The following TESC variants were observed in gnomAD, a reference collection of about 807,000 sequenced individuals.
TESC encodes the protein calcineurin B homologous protein 3.
Under a neutral mutation model 31.0 loss-of-function variants are expected in TESC, and 19 were observed. The observed-to-expected ratio is 0.61, with a 90% CI of 0.43 to 0.90. TESC has a LOEUF of 0.90. TESC is among the 40% of genes least tolerant of loss of function. The probability of loss-of-function intolerance (pLI) is 0.00; values close to 1 mark genes in which losing one functional copy is unlikely to be tolerated. For synonymous variants in TESC, 109 were observed against 114.8 expected (o/e 0.95, Z 0.32); for missense variants, 248 against 303.8 (o/e 0.82, Z 1.36).
At chr12:117,087,198 G>C (rs1354156887) in intron 1 of TESC, among the ~76,000 whole-genome samples, 1 of 152,204 alleles carries the variant, frequency 6.6e-6, no homozygotes, top group Admixed American at 6.5e-5. Context: ...ATTAACCAAA[G>C]ATGCATTTGG....
chr12:117,058,745 TA>T (rs3070303), intron 2 of TESC, among the ~76,000 whole-genome samples: 5,128 of 124,074 alleles, frequency 0.041, 216 homozygotes, highest in South Asian at 0.13. Context: ...TCCAATCTCT[TA>T]AAAAAAAAAA....
intron 1 of TESC, among the ~76,000 whole-genome samples, chr12:117,075,955 A>ATATATGTATG (rs1955068497): frequency 3.4e-5 from 4 of 119,306 alleles, no homozygotes; most frequent in African/African-American, 1.6e-4. Flanking sequence ...ATATACATAT[A>ATATATGTATG]TATATATATA....
Position 117,048,724 on chromosome 12 carries a change from G to A in TESC, c.349+295C>T, listed in dbSNP as rs113875836. On this transcript the variant is annotated intron_variant, in intron 4 of 7. Coordinates refer to ENST00000335209, the MANE Select transcript of TESC (RefSeq NM_017899.4). Reference sequence around the variant, plus strand: ...TTCAAGGTCACATGGCTGGTGAGACGGGCCACACTGGAACCCAGGTCTTTG... The same window carrying A: ...TTCAAGGTCACATGGCTGGTGAGACAGGCCACACTGGAACCCAGGTCTTTG... 1,189 of 556,216 alleles carry A rather than the reference G, an allele frequency of 2.1e-3. 3 individuals carry two copies. The highest frequency in any genetic ancestry group is 3.2e-3 in the Non-Finnish European group (940 of 292,250). The allele number at this position is 556,216 out of a possible 1,614,324, so 34.5% of individuals were successfully genotyped here. A position where few individuals can be genotyped will look rare whatever the true frequency, so the allele number is the denominator to read the frequency against.
At chr12:117,088,547 G>A (rs998609412) in intron 1 of TESC, among the ~76,000 whole-genome samples, 3 of 152,140 alleles carry the variant, frequency 2.0e-5, no homozygotes, top group Admixed American at 6.5e-5. Flanking sequence ...TGGGCGTGGC[G>A]GCGCATGCCT....
At chr12:117,078,531 G>T (rs1199838709) in intron 1 of TESC, among the ~76,000 whole-genome samples, 1 of 151,416 alleles carries the variant, frequency 6.6e-6, no homozygotes, top group Non-Finnish European at 1.5e-5. Context: ...TTTGTTTAAA[G>T]TATACCTTTA....
chr12:117,049,536 C>T (rs550454809), intron 3 of TESC, among the ~76,000 whole-genome samples: 38 of 152,342 alleles, frequency 2.5e-4, no homozygotes, highest in Admixed American at 5.9e-4. Flanking sequence ...TTTCCTTTAG[C>T]TCAGGGGTTG....
intron 1 of TESC, among the ~76,000 whole-genome samples, chr12:117,094,032 T>C (rs1546247): frequency 6.6e-6 from 1 of 151,458 alleles, no homozygotes; most frequent in African/African-American, 2.4e-5. Flanking sequence ...CTCCGTCAGG[T>C]CCCACTTTGT....
At chr12:117,075,909 ATATATGTGTG>A (rs1322682848) in intron 1 of TESC, among the ~76,000 whole-genome samples, 48 of 61,218 alleles carry the variant, frequency 7.8e-4, no homozygotes, top group African/African-American at 4.4e-3. Flanking sequence ...ATATATATAT[ATATATGTGTG>A]TGTGTATATA....
intron 1 of TESC, among the ~76,000 whole-genome samples, chr12:117,095,210 G>A (rs1379013123): frequency 1.3e-5 from 2 of 151,442 alleles, no homozygotes; most frequent in African/African-American, 4.8e-5. Flanking sequence ...GAGTAGCTGG[G>A]ATTACAGGCG....
At chr12:117,083,004 CA>C (rs1470030507) in intron 1 of TESC, among the ~76,000 whole-genome samples, 6 of 151,530 alleles carry the variant, frequency 4.0e-5, no homozygotes, top group African/African-American at 1.5e-4. Context: ...TTAAATGGTA[CA>C]ACCACCGTGG....
rs61375772 is a variant in TESC, at chr12:117,082,060, C to CAAAAA, written c.59-6725_59-6721dup. 1.2e-3 allele frequency among the ~76,000 whole-genome samples: 143 copies of CAAAAA among 119,106 alleles called. 2 individuals carry two copies. The highest frequency in any genetic ancestry group is 4.1e-3 in the African/African-American group (133 of 32,728). 78.1% of individuals were successfully genotyped at this position (119,106 alleles called of 152,430 possible). On this transcript the variant is annotated intron_variant, in intron 1 of 7. Transcript: ENST00000335209. ...GCAAGACAGGAAGATCCCATCTATACAAAAAAAAAAAAAAATCAAAAAATT... is the reference window on the plus strand; with the variant it reads ...GCAAGACAGGAAGATCCCATCTATACAAAAAAAAAAAAAAAAAAAATCAAAAAATT...
intron 3 of TESC, among the ~76,000 whole-genome samples, chr12:117,053,141 C>T (rs1565961762): frequency 6.6e-6 from 1 of 152,188 alleles, no homozygotes; most frequent in Non-Finnish European, 1.5e-5. Context: ...ACCCGACATT[C>T]CCCAATGACT....
chr12:117,067,206 G>A (rs1954899223), intron 2 of TESC, among the ~76,000 whole-genome samples: 1 of 152,078 alleles, frequency 6.6e-6, no homozygotes, highest in South Asian at 2.1e-4. Flanking sequence ...AAATTCTGAT[G>A]GTGAAACAGC....
At chr12:117,095,777 G>A (rs576206970) in intron 1 of TESC, among the ~76,000 whole-genome samples, 1 of 152,278 alleles carries the variant, frequency 6.6e-6, no homozygotes, top group South Asian at 2.1e-4. Flanking sequence ...CTACTGGGAA[G>A]GCTGAGGTGG....
intron 1 of TESC, among the ~76,000 whole-genome samples, chr12:117,075,933 A>ATATATG (rs1955065185): frequency 9.0e-6 from 1 of 110,788 alleles, no homozygotes; most frequent in Non-Finnish European, 1.7e-5. Context: ...GTATATATAT[A>ATATATG]TATATATGTA....
intron 1 of TESC, among the ~76,000 whole-genome samples, chr12:117,088,771 T>C (rs1307210533): frequency 6.6e-6 from 1 of 151,932 alleles, no homozygotes; most frequent in Non-Finnish European, 1.5e-5. Context: ...ATACAGATTC[T>C]ACCTTCCATT....
At chr12:117,063,157 C>G (rs1954821485) in intron 2 of TESC, among the ~76,000 whole-genome samples, 1 of 152,196 alleles carries the variant, frequency 6.6e-6, no homozygotes, top group South Asian at 2.1e-4. Context: ...CAGACCAGAA[C>G]ACAAGGCCCA....
At chr12:117,074,282 C>T (rs1955019918) in intron 2 of TESC, among the ~76,000 whole-genome samples, 1 of 152,000 alleles carries the variant, frequency 6.6e-6, no homozygotes, top group Admixed American at 6.6e-5. Flanking sequence ...GCAGGAGGAT[C>T]GCTTGGGCCC....
At chr12:117,082,508 A>T (rs568925536) in intron 1 of TESC, among the ~76,000 whole-genome samples, 1 of 152,256 alleles carries the variant, frequency 6.6e-6, no homozygotes, top group South Asian at 2.1e-4. Context: ...GTCTAAAAAA[A>T]AAAAAAAAGA....
Sources: gnomAD v4.1 joint callset for allele counts (sites outside exome capture counted in the v4.1 genomes callset) on GRCh38, gnomAD v4.1.1 for gene constraint, MANE v1.5 for transcripts, NCBI Gene and HGNC (gene_info 2026-07-23, HGNC 2026-07-21) for gene names.